The following VPS37A variants were observed in gnomAD, a reference collection of about 807,000 sequenced individuals.
The protein encoded by VPS37A is vacuolar protein sorting-associated protein 37A.
VPS37A carries 30 observed loss-of-function variants against 49.8 expected under a neutral mutation model. The ratio of observed to expected loss-of-function variants is 0.60; its 90% CI spans 0.45 to 0.82. The LOEUF (loss-of-function observed/expected upper bound fraction) is 0.82. Ranked by LOEUF, VPS37A falls within the 40% of genes least tolerant of loss-of-function variation. VPS37A has a pLI of 0.00. For missense variants in VPS37A, 593 were observed against 464.4 expected, an observed-to-expected ratio of 1.28 and a Z score of -2.55; for synonymous variants, 195 against 160.6, an observed-to-expected ratio of 1.21 and a Z score of -1.62.
At chr8:17,289,810 C>T (rs562973507) in intron 11 of VPS37A, among the ~76,000 whole-genome samples, 13 of 152,292 alleles carry the variant, frequency 8.5e-5, no homozygotes, top group Admixed American at 2.0e-4. Flanking sequence ...GCCGTTATCA[C>T]GATATTGATT....
chr8:17,325,090 C>T, the VPS37A span, among the ~76,000 whole-genome samples: 9 of 152,054 alleles, frequency 5.9e-5, no homozygotes, highest in East Asian at 7.8e-4. Context: ...ACATGAGGTA[C>T]GGAAGAATGT....
chr8:17,311,910 A>G, the VPS37A span: 4 of 344,300 alleles, frequency 1.2e-5, no homozygotes, highest in South Asian at 1.5e-4. Context: ...CATTCGTCCT[A>G]TGCAAACGGA....
intron 1 of VPS37A, among the ~76,000 whole-genome samples, chr8:17,265,049 C>G (rs1281154317): frequency 6.6e-6 from 1 of 152,144 alleles, no homozygotes; most frequent in African/African-American, 2.4e-5. Flanking sequence ...ATTTTTCTCA[C>G]ACATAAAGCA....
intron 11 of VPS37A, among the ~76,000 whole-genome samples, chr8:17,289,252 T>C (rs1760033836): frequency 1.3e-5 from 2 of 152,170 alleles, no homozygotes; most frequent in South Asian, 2.1e-4. Flanking sequence ...CATTGTTTTT[T>C]TGTGTTTTAG....
At chr8:17,281,790 C>G (rs1243600335) in intron 9 of VPS37A, among the ~76,000 whole-genome samples, 1 of 151,996 alleles carries the variant, frequency 6.6e-6, no homozygotes, top group African/African-American at 2.4e-5. Context: ...CAGAAAACAA[C>G]TCATTTACCA....
At chr8:17,327,431 T>G in the VPS37A span, among the ~76,000 whole-genome samples, 2 of 133,368 alleles carry the variant, frequency 1.5e-5, no homozygotes, top group African/African-American at 7.2e-5. Context: ...CCACCACGCC[T>G]GGTTGATTTT....
At chr8:17,277,911 CAT>C (rs1814680359) in intron 6 of VPS37A, among the ~76,000 whole-genome samples, 1 of 148,462 alleles carries the variant, frequency 6.7e-6, no homozygotes, top group African/African-American at 2.5e-5. Context: ...CAGACATATA[CAT>C]ATGTGTATTT....
chr8:17,284,244 C>G (rs1815376491), intron 9 of VPS37A, among the ~76,000 whole-genome samples: 1 of 152,196 alleles, frequency 6.6e-6, no homozygotes, highest in South Asian at 2.1e-4. Context: ...CAGTTTCTCT[C>G]ATTTAATAGT....
chr8:17,324,263 T>G, the VPS37A span, among the ~76,000 whole-genome samples: 45,335 of 152,072 alleles, frequency 0.3, 8,417 homozygotes, highest in African/African-American at 0.52. Flanking sequence ...GTCTGATGAA[T>G]AGATGAGCGT....
the VPS37A span, among the ~76,000 whole-genome samples, chr8:17,326,147 C>A: frequency 6.6e-6 from 1 of 152,270 alleles, no homozygotes; most frequent in East Asian, 1.9e-4. Context: ...CCATTCCAAC[C>A]CACTACCTCG....
At chr8:17,318,223 G>A in the VPS37A span, among the ~76,000 whole-genome samples, 1 of 152,074 alleles carries the variant, frequency 6.6e-6, no homozygotes. Flanking sequence ...ATGCACGGAA[G>A]CCCCCAAGAT....
the VPS37A span, among the ~76,000 whole-genome samples, chr8:17,315,087 A>G: frequency 1.3e-5 from 2 of 152,352 alleles, no homozygotes; most frequent in African/African-American, 2.4e-5. Flanking sequence ...AGTTTTAATC[A>G]TTAAAAGTTA....
intron 6 of VPS37A, among the ~76,000 whole-genome samples, chr8:17,277,859 T>TACAC (rs1491293050): frequency 9.1e-6 from 1 of 109,460 alleles, no homozygotes; most frequent in African/African-American, 4.0e-5. Context: ...TTTTCTCTTT[T>TACAC]ATACACACAC....
Position 17,268,253 on chromosome 8 carries a change from A to G in VPS37A, c.201-5A>G, listed in dbSNP as rs761702181. The G allele has an allele frequency of 1.2e-6, 2 of 1,603,104 alleles. No individual in the cohort carries two copies. Among genetic ancestry groups the G allele is most frequent in the East Asian group, 2.2e-5 (1 of 44,700 alleles). Reference sequence around the variant, plus strand: ...TTTGTTTTTCATCTGTTCTACCTCTACCAGATTGCTTCCTCCACAGTTTCC... The same window carrying G: ...TTTGTTTTTCATCTGTTCTACCTCTGCCAGATTGCTTCCTCCACAGTTTCC... On this transcript the variant is annotated splice_polypyrimidine_tract_variant and splice_region_variant and intron_variant, in intron 2 of 11. Coordinates refer to ENST00000324849, the MANE Select transcript of VPS37A (RefSeq NM_152415.3).
At chr8:17,280,473 A>T (rs1422301583) in intron 9 of VPS37A, 30 bp downstream of exon 9, 1 of 1,570,096 alleles carries the variant, frequency 6.4e-7, no homozygotes, top group Admixed American at 2.1e-5. Context: ...TCCCTTTGCC[A>T]TAGATTTTTT....
At position 17,288,090 on chromosome 8, in the gene VPS37A, T is replaced by C. The variant is rs930596027; in HGVS notation, c.*1663T>C. On this transcript the variant is annotated intron_variant, in intron 11 of 11. Coordinates refer to ENST00000324849, the MANE Select transcript of VPS37A (RefSeq NM_152415.3). ...AAATTCCTTAAGGGTAGGGGCTGAT[T>C]TTTGATACCAACTTTGCATATCTGC... Among the ~76,000 whole-genome samples the C allele has an allele frequency of 3.5e-4, 54 of 152,358 alleles. 1 individual carries two copies. Among genetic ancestry groups the C allele is most frequent in the African/African-American group, 1.3e-3 (53 of 41,588 alleles).
At chr8:17,323,890 G>T in the VPS37A span, among the ~76,000 whole-genome samples, 1 of 152,100 alleles carries the variant, frequency 6.6e-6, no homozygotes, top group Non-Finnish European at 1.5e-5. Context: ...CTGAAAATCT[G>T]CCATCTTGGT....
chr8:17,290,777 G>A (rs1225209268), intron 11 of VPS37A, among the ~76,000 whole-genome samples: 1 of 152,130 alleles, frequency 6.6e-6, no homozygotes, highest in Non-Finnish European at 1.5e-5. Flanking sequence ...TTGTACCTCT[G>A]GTAGAATTTG....
At chr8:17,328,225 AT>A in the VPS37A span, among the ~76,000 whole-genome samples, 1 of 129,018 alleles carries the variant, frequency 7.8e-6, no homozygotes, top group Non-Finnish European at 1.6e-5. Flanking sequence ...TTCAGGGCAG[AT>A]ATGAAGGGTG....
Sources: gnomAD v4.1 joint callset for allele counts (sites outside exome capture counted in the v4.1 genomes callset) on GRCh38, gnomAD v4.1.1 for gene constraint, MANE v1.5 for transcripts, NCBI Gene and HGNC (gene_info 2026-07-23, HGNC 2026-07-21) for gene names.